The following SORCS1 variants were observed in gnomAD, a reference collection of about 807,000 sequenced individuals.
SORCS1 encodes the protein VPS10 domain-containing receptor SorCS1.
SORCS1 carries 60 observed loss-of-function variants against 146.1 expected under a neutral mutation model. The observed-to-expected ratio is 0.41, with a 90% CI of 0.33 to 0.51. The LOEUF is 0.51. Ranked by LOEUF, SORCS1 falls within the 20% of genes least tolerant of loss-of-function variation. The pLI is 0.21. For synonymous variants in SORCS1, 637 were observed against 584.0 expected, an observed-to-expected ratio of 1.09 and a Z score of -1.31; for missense variants, 1,352 against 1,487.6, an observed-to-expected ratio of 0.91 and a Z score of 1.50.
In SORCS1 at chr10:107,137,652, C is replaced by T. The variant is rs377079707; in HGVS notation, c.558+26317G>A. Among the ~76,000 whole-genome samples the T allele has an allele frequency of 5.4e-4, 82 of 152,156 alleles. 1 individual carries two copies. The South Asian group carries it at 0.011, about 20-fold the overall frequency. On this transcript the variant is annotated intron_variant, in intron 1 of 25. Coordinates refer to ENST00000263054, the MANE Select transcript of SORCS1 (RefSeq NM_052918.5). The stretch of plus-strand genomic sequence containing the variant: ...TTGAGGCGGGCAGATCACCTGAGGT[C>T]GAGAGTTCGAGACCAGTCTGACCAA...
At chr10:106,704,229 A>C (rs192523902) in intron 8 of SORCS1, among the ~76,000 whole-genome samples, 1 of 152,192 alleles carries the variant, frequency 6.6e-6, no homozygotes, top group South Asian at 2.1e-4. Context: ...CTGACAGTAT[A>C]TGGAATTTTG....
intron 2 of SORCS1, among the ~76,000 whole-genome samples, chr10:106,851,667 A>G (rs1949579633): frequency 6.6e-6 from 1 of 152,038 alleles, no homozygotes; most frequent in Admixed American, 6.6e-5. Flanking sequence ...TTCCCTTACT[A>G]CTCAGTTGAC....
At chr10:106,850,458 C>T (rs571450874) in intron 2 of SORCS1, among the ~76,000 whole-genome samples, 18 of 152,196 alleles carry the variant, frequency 1.2e-4, no homozygotes, top group Admixed American at 4.6e-4. Flanking sequence ...ACACGGTGCG[C>T]GCACTCACTG....
At chr10:106,806,640 C>T (rs1158483012) in intron 3 of SORCS1, among the ~76,000 whole-genome samples, 6 of 149,996 alleles carry the variant, frequency 4.0e-5, no homozygotes, top group Admixed American at 2.0e-4. Context: ...CTCAGCCTCC[C>T]GAGTAGCTGG....
intron 3 of SORCS1, among the ~76,000 whole-genome samples, chr10:106,797,520 C>CA (rs1554845361): frequency 2.7e-5 from 4 of 148,150 alleles, no homozygotes; most frequent in Admixed American, 6.8e-5. Context: ...TGAGGAGTTG[C>CA]TTTTTTTTTT....
intron 19 of SORCS1, among the ~76,000 whole-genome samples, chr10:106,626,835 C>T (rs1032799104): frequency 6.6e-6 from 1 of 152,168 alleles, no homozygotes; most frequent in African/African-American, 2.4e-5. Flanking sequence ...TTGCTTTTAA[C>T]ACAGTTAGTA....
chr10:106,682,113 G>C (rs1278817217), intron 10 of SORCS1, among the ~76,000 whole-genome samples: 1 of 152,156 alleles, frequency 6.6e-6, no homozygotes, highest in Non-Finnish European at 1.5e-5. Context: ...GGGTGACAGA[G>C]TGAGACTCCA....
At chr10:106,910,494 G>A (rs946280642) in intron 2 of SORCS1, among the ~76,000 whole-genome samples, 6 of 152,156 alleles carry the variant, frequency 3.9e-5, no homozygotes, top group Admixed American at 3.9e-4. Flanking sequence ...TAGACAGGGG[G>A]TCATACAAGA....
chr10:106,984,522 T>A (rs564445895), intron 1 of SORCS1, among the ~76,000 whole-genome samples: 1 of 151,564 alleles, frequency 6.6e-6, no homozygotes, highest in South Asian at 2.1e-4. Flanking sequence ...GCCTCCTGAG[T>A]AGCTGGGACT....
intron 2 of SORCS1, among the ~76,000 whole-genome samples, chr10:106,877,887 C>T (rs1950651563): frequency 6.6e-6 from 1 of 152,140 alleles, no homozygotes; most frequent in South Asian, 2.1e-4. Flanking sequence ...GACATAGTGT[C>T]CCACTTTTCA....
chr10:106,578,634 G>A (rs1844706780), intron 25 of SORCS1: 2 of 992,362 alleles, frequency 2.0e-6, no homozygotes, highest in African/African-American at 1.7e-5. Flanking sequence ...CTCTACTGGT[G>A]TTCCAGAGCA....
chr10:107,018,446 A>C (rs1261062354), intron 1 of SORCS1, among the ~76,000 whole-genome samples: 1 of 151,812 alleles, frequency 6.6e-6, no homozygotes, highest in East Asian at 1.9e-4. Context: ...TTGGCCTCCC[A>C]AAGTGCTAGG....
chr10:106,738,772 G>A (rs748089612), intron 5 of SORCS1, among the ~76,000 whole-genome samples: 2 of 152,124 alleles, frequency 1.3e-5, no homozygotes, highest in African/African-American at 2.4e-5. Context: ...TGGGAGGATC[G>A]CTTGACTCCA....
chr10:107,085,833 T>C (rs1963715568), intron 1 of SORCS1, among the ~76,000 whole-genome samples: 1 of 152,208 alleles, frequency 6.6e-6, no homozygotes, highest in South Asian at 2.1e-4. Flanking sequence ...GCATTTTGTA[T>C]TACGCCGAGG....
intron 1 of SORCS1, among the ~76,000 whole-genome samples, chr10:107,089,208 G>A (rs1003966709): frequency 5.3e-5 from 8 of 151,704 alleles, no homozygotes; most frequent in Admixed American, 1.3e-4. Flanking sequence ...TTTTGCTGGC[G>A]TCTTTGTTAA....
intron 1 of SORCS1, among the ~76,000 whole-genome samples, chr10:106,996,155 C>T (rs1406942238): frequency 1.3e-5 from 2 of 149,052 alleles, no homozygotes; most frequent in African/African-American, 2.5e-5. Flanking sequence ...ACTGCTTGAA[C>T]TGGGGAGGCT....
At chr10:106,760,549 G>A (rs565274078) in intron 5 of SORCS1, among the ~76,000 whole-genome samples, 3 of 151,600 alleles carry the variant, frequency 2.0e-5, no homozygotes, top group East Asian at 3.9e-4. Flanking sequence ...AAAGGGAGTC[G>A]TTAGCAGGAA....
At chr10:106,869,977 AAAC>A (rs58138912) in intron 2 of SORCS1, among the ~76,000 whole-genome samples, 43,860 of 151,712 alleles carry the variant, frequency 0.29, 7,474 homozygotes, top group Non-Finnish European at 0.39. Flanking sequence ...TTCAGCTGAT[AAAC>A]AACTTCAGCA....
At chr10:106,986,139 C>T (rs1956459245) in intron 1 of SORCS1, among the ~76,000 whole-genome samples, 1 of 151,830 alleles carries the variant, frequency 6.6e-6, no homozygotes, top group East Asian at 1.9e-4. Context: ...ATGTGGGTTC[C>T]TGTATATCTA....
Sources: allele counts gnomAD v4.1 joint callset (sites outside exome capture counted in the v4.1 genomes callset), GRCh38; gene constraint gnomAD v4.1.1; transcripts MANE v1.5; gene names NCBI Gene and HGNC (gene_info 2026-07-23, HGNC 2026-07-21).